KIF3C: variants seen among roughly 807,000 people sequenced by gnomAD.
KIF3C encodes kinesin family member 3C.
In KIF3C, 12 loss-of-function variants were observed where a neutral mutation model predicts 67.7. That is an observed-to-expected ratio of 0.18 (90% CI 0.11 to 0.29). The LOEUF is 0.29. KIF3C is among the 10% of genes least tolerant of loss of function. The pLI is 1.00. For synonymous variants in KIF3C, 393 were observed against 426.2 expected, an observed-to-expected ratio of 0.92 and a Z score of 0.96; for missense variants, 789 against 1,059.6, an observed-to-expected ratio of 0.74 and a Z score of 3.55.
In KIF3C at chr2:25,929,008, C is replaced by T; in HGVS notation, c.2352G>A (p.Leu784=). 1.2e-6 allele frequency: 2 copies of T among 1,613,772 alleles called. No individual in the cohort carries two copies. Among genetic ancestry groups the T allele is most frequent in the Non-Finnish European group, 1.7e-6 (2 of 1,179,980 alleles). Residue 784 remains leucine, a synonymous_variant, in exon 8 of 8, where the codon CTG becomes CTA. Transcript: ENST00000264712. ...TTHASLASAS[L]RPATVADHE ...CATGGTCCGCCACTGTTGCAGGGCG[C>T]AGAGAAGCAGAGGCCAGGGAGGCAT...
At position 25,951,655 on chromosome 2, in the gene KIF3C, G is replaced by A. The variant is rs981878825; in HGVS notation, c.2006+134C>T. On this transcript the variant is annotated intron_variant, in intron 5 of 7. Coordinates refer to ENST00000264712, the MANE Select transcript of KIF3C (RefSeq NM_002254.8). Reference sequence around the variant, plus strand: ...GATCCTGAGAAATTCATCCCCCATCGGCATCCTCCCCATCTTTTCCCCAAT... The same window carrying A: ...GATCCTGAGAAATTCATCCCCCATCAGCATCCTCCCCATCTTTTCCCCAAT... 9 of 624,068 alleles carry A rather than the reference G, an allele frequency of 1.4e-5. No homozygotes were observed. In the Admixed American group the frequency reaches 2.0e-4, roughly 14 times the overall value. 38.7% of individuals were successfully genotyped at this position (624,068 alleles called of 1,614,324 possible).
chr2:25,935,830 C>T (rs1214939565), intron 5 of KIF3C, among the ~76,000 whole-genome samples: 1 of 151,900 alleles, frequency 6.6e-6, no homozygotes, highest in East Asian at 1.9e-4. Context: ...GTAATCCCAG[C>T]ACTTTGGGAG....
At position 25,982,431 on chromosome 2, in the gene KIF3C, G is replaced by C. The variant is rs1243854573; in HGVS notation, c.-514C>G. On this transcript the variant is annotated 5_prime_UTR_variant, in exon 1 of 8. Coordinates refer to ENST00000264712, the MANE Select transcript of KIF3C (RefSeq NM_002254.8). ...GCTGGGGGATCATTCATTGCAGCCA[G>C]CGCGGCTGCTGCTGCCTCTGCCTCC... 1.3e-5 allele frequency: 5 copies of C among 398,582 alleles called. No individual in the cohort carries two copies. Among genetic ancestry groups the C allele is most frequent in the East Asian group, 3.6e-5 (1 of 28,056 alleles). 24.7% of individuals were successfully genotyped at this position (398,582 alleles called of 1,614,324 possible).
chr2:25,978,227 A>G (rs1274138174), intron 1 of KIF3C, among the ~76,000 whole-genome samples: 1 of 152,158 alleles, frequency 6.6e-6, no homozygotes, highest in Admixed American at 6.5e-5. Flanking sequence ...CAGGGTCACG[A>G]GCTGATAAGA....
At chr2:25,961,838 A>G (rs1259783402) in intron 1 of KIF3C, among the ~76,000 whole-genome samples, 3 of 151,736 alleles carry the variant, frequency 2.0e-5, no homozygotes, top group Non-Finnish European at 4.4e-5. Flanking sequence ...TAATCCCAGC[A>G]CTTTGGGAGG....
Position 25,981,073 on chromosome 2 carries a change from GCACCACCACCACTGCCTCCACCGC to G in KIF3C, c.821_844del (p.Gly274_Gly281del), listed in dbSNP as rs770285846. On this transcript the variant is annotated inframe_deletion, in exon 1 of 8. Transcript: ENST00000264712. This position sits in a 1 kb window ranked among gnomAD's most constrained non-coding sequence, Gnocchi z 8.2. ...GGCTTCCTTAGGCCTCTCTCCACCA[GCACCACCACCACTGCCTCCACCGC>G]CACCACCGCCACCCGAGGATGGTGT... is the stretch of plus-strand genomic sequence containing the variant. The G allele has an allele frequency of 5.6e-6, 9 of 1,614,016 alleles. No homozygotes were observed. Among genetic ancestry groups the G allele is most frequent in the South Asian group, 4.4e-5 (4 of 91,078 alleles).
At chr2:25,964,271 G>T (rs1472699764) in intron 1 of KIF3C, among the ~76,000 whole-genome samples, 1 of 151,960 alleles carries the variant, frequency 6.6e-6, no homozygotes, top group Admixed American at 6.6e-5. Context: ...TCTAGCCTGG[G>T]CCACAGAGCA....
chr2:25,977,902 G>T (rs1410080858), intron 1 of KIF3C, among the ~76,000 whole-genome samples: 2 of 152,116 alleles, frequency 1.3e-5, no homozygotes, highest in East Asian at 3.8e-4. Flanking sequence ...GCTGCTGATT[G>T]TCCTAGGCTG....
intron 5 of KIF3C, among the ~76,000 whole-genome samples, chr2:25,935,316 A>G (rs1441109140): frequency 6.6e-6 from 1 of 152,176 alleles, no homozygotes; most frequent in Middle Eastern, 3.2e-3. Flanking sequence ...AACTTCACTA[A>G]GCAAATAATC....
intron 1 of KIF3C, among the ~76,000 whole-genome samples, chr2:25,970,262 G>A (rs1028584399): frequency 6.6e-6 from 1 of 152,158 alleles, no homozygotes; most frequent in Non-Finnish European, 1.5e-5. Context: ...CACTTTCTAG[G>A]TGTGCGAACT....
intron 4 of KIF3C, 29 bp from the exon 5 acceptor site, chr2:25,951,934 A>G (rs763668693): frequency 6.8e-7 from 1 of 1,481,136 alleles, no homozygotes; most frequent in Non-Finnish European, 9.4e-7. Context: ...GAGTGATGGG[A>G]AAATGGGTGA....
chr2:25,959,108 T>C (rs1038437022), intron 1 of KIF3C, among the ~76,000 whole-genome samples: 9 of 152,024 alleles, frequency 5.9e-5, no homozygotes, highest in Admixed American at 5.9e-4. Context: ...GCTCCCTCAA[T>C]GGGCCATGGC....
In KIF3C at chr2:25,928,183, G is replaced by T. The variant is rs1303335640; in HGVS notation, c.*795C>A. 1 of 152,122 alleles carries T rather than the reference G, an allele frequency of 6.6e-6. No individual in the cohort carries two copies. The highest frequency in any genetic ancestry group is 1.5e-5 in the Non-Finnish European group (1 of 68,038). The allele number at this position is 152,122 out of a possible 1,614,324, so 9.4% of individuals were successfully genotyped here. On this transcript the variant is annotated 3_prime_UTR_variant, in exon 8 of 8. Coordinates refer to ENST00000264712, the MANE Select transcript of KIF3C (RefSeq NM_002254.8). ...GTCGACCAAAATGACTCCTCGGAGG[G>T]GACAGAAACAAAGGAATCCAGTGGA... is the stretch of plus-strand genomic sequence containing the variant.
At chr2:25,963,222 T>A (rs1664052664) in intron 1 of KIF3C, among the ~76,000 whole-genome samples, 3 of 101,000 alleles carry the variant, frequency 3.0e-5, no homozygotes, top group African/African-American at 4.1e-5. Flanking sequence ...TTTTTTTTTT[T>A]AAAGATAGAG....
At position 25,929,939 on chromosome 2, in the gene KIF3C, C is replaced by A. The variant is rs1335700033; in HGVS notation, c.2115+16G>T. The A allele has an allele frequency of 1.3e-6, 2 of 1,577,154 alleles. No individual in the cohort carries two copies. On this transcript the variant is annotated intron_variant, in intron 6 of 7. Transcript: ENST00000264712. The stretch of plus-strand genomic sequence containing the variant: ...CCTCCCTCCCGTAGGCTCTTTCTCC[C>A]CTCTCCGCTTCTTACCCTGTACCTG...
At chr2:25,972,476 C>T (rs951446691) in intron 1 of KIF3C, among the ~76,000 whole-genome samples, 3 of 152,214 alleles carry the variant, frequency 2.0e-5, no homozygotes, top group Non-Finnish European at 2.9e-5. Context: ...ACTGCTCTCA[C>T]CAACACCAAG....
At chr2:25,971,716 CT>C (rs1415235403) in intron 1 of KIF3C, among the ~76,000 whole-genome samples, 1 of 151,620 alleles carries the variant, frequency 6.6e-6, no homozygotes, top group Non-Finnish European at 1.5e-5. Flanking sequence ...GTTTCATTTT[CT>C]TTTTTTGTGA....
chr2:25,928,879 G>GAACGCA lies in KIF3C; in HGVS notation c.*98_*99insTGCGTT, dbSNP rs2090433218. 2 of 938,168 alleles carry GAACGCA rather than the reference G, an allele frequency of 2.1e-6. No individual in the cohort carries two copies. Among genetic ancestry groups the GAACGCA allele is most frequent in the Non-Finnish European group, 3.3e-6 (2 of 602,864 alleles). The allele number at this position is 938,168 out of a possible 1,614,324, so 58.1% of individuals were successfully genotyped here. A position where few individuals can be genotyped will look rare whatever the true frequency, so the allele number is the denominator to read the frequency against. ...CCCCTGCACACACGCACACGCACAT[G>GAACGCA]CACGCACACGCACACGCACCAAGCG... On this transcript the variant is annotated 3_prime_UTR_variant, in exon 8 of 8. Transcript: ENST00000264712.
Position 25,955,753 on chromosome 2 carries a change from C to T in KIF3C, c.1648-90G>A. On this transcript the variant is annotated intron_variant, in intron 2 of 7. Transcript: ENST00000264712. The surrounding 1 kb of genome is among the most constrained non-coding windows in gnomAD (Gnocchi z 5.0). ...CAGGGGACTGGCTCACTCTGCCTGT[C>T]TCGGGACCTGGCTTCACCATGGCCC... The T allele has an allele frequency of 1.3e-6, 2 of 1,495,464 alleles. No individual in the cohort carries two copies. The highest frequency in any genetic ancestry group is 2.5e-5 in the South Asian group (2 of 81,404). 92.6% of individuals were successfully genotyped at this position (1,495,464 alleles called of 1,614,324 possible).
Sources: gnomAD v4.1 joint callset for allele counts (sites outside exome capture counted in the v4.1 genomes callset) on GRCh38, gnomAD v4.1.1 for gene constraint, Gnocchi (gnomAD v3.1) non-coding constraint, MANE v1.5 for transcripts, NCBI Gene and HGNC (gene_info 2026-07-23, HGNC 2026-07-21) for gene names.